Variants in COL5A1 observed in about 807,000 individuals in gnomAD.
COL5A1 encodes the protein collagen type V alpha 1 chain.
Under a neutral mutation model 263.7 loss-of-function variants are expected in COL5A1, and 16 were observed. The observed-to-expected ratio is 0.06, with a 90% CI of 0.04 to 0.09. COL5A1 has a LOEUF of 0.09. Among genes scored for constraint, COL5A1 ranks in the 10% least tolerant of loss-of-function variants. COL5A1 has a pLI of 1.00. For synonymous variants in COL5A1, 1,012 were observed against 1,004.5 expected (o/e 1.01, Z -0.14); for missense variants, 2,036 against 2,540.5 (o/e 0.80, Z 4.27).
intron 2 of COL5A1, among the ~76,000 whole-genome samples, chr9:134,698,333 C>T (rs543971755): frequency 4.6e-5 from 7 of 152,392 alleles, no homozygotes; most frequent in Non-Finnish European, 8.8e-5. Context: ...CCGGCCACAG[C>T]TGGGCAGCCC....
intron 18 of COL5A1, among the ~76,000 whole-genome samples, chr9:134,759,565 GCA>G (rs1230013772): frequency 1.8e-5 from 2 of 113,968 alleles, no homozygotes; most frequent in Non-Finnish European, 3.4e-5. Flanking sequence ...ATACACACAT[GCA>G]CACACCACAC....
rs115858047 is a variant in COL5A1 at position 134,753,945 on chromosome 9, C to T, written c.1773+42C>T. 529 of 1,556,212 alleles carry T rather than the reference C, an allele frequency of 3.4e-4. 1 individual carries two copies. In the African/African-American group the frequency reaches 5.2e-3, roughly 15 times the overall value. On this transcript the variant is annotated intron_variant, in intron 15 of 65. Transcript: ENST00000371817. ...CCTTCGCTGTCTGGTGGGCGCCTCC[C>T]GTTCTCCGGCGGCAGCGACGGCGAG...
intron 63 of COL5A1, among the ~76,000 whole-genome samples, chr9:134,827,977 C>T (rs1002518986): frequency 4.6e-5 from 7 of 152,192 alleles, no homozygotes; most frequent in Non-Finnish European, 1.0e-4. Flanking sequence ...CCTTTTCTGG[C>T]CTTCTTGGCA....
Position 134,752,614 on chromosome 9 carries a change from C to T in COL5A1, c.1688C>T (p.Pro563Leu), listed in dbSNP as rs753260027. Residue 563 changes from proline to leucine, a missense_variant, in exon 14 of 66, where the codon CCG (proline) becomes CTG (leucine). Physicochemically the swap from Pro to Leu is moderately conservative, Grantham distance 98. This residue lies in a region of COL5A1 where 1,078 missense variants were observed against 1,521.4 expected (regional missense o/e 0.71). Transcript: ENST00000371817. ...TTGGCACTGAGGGGACCAGCTGGCCCGATGGGTCTCACAGGGAGACCTGGC... is the reference window on the plus strand; with the variant it reads ...TTGGCACTGAGGGGACCAGCTGGCCTGATGGGTCTCACAGGGAGACCTGGC... Reference protein sequence around the residue: ...ARLALRGPAGPMGLTGRPGPV... With the variant: ...ARLALRGPAGLMGLTGRPGPV... The T allele has an allele frequency of 1.2e-6, 2 of 1,613,606 alleles. No individual in the cohort carries two copies. The highest frequency in any genetic ancestry group is 1.7e-6 in the Non-Finnish European group (2 of 1,179,714).
In COL5A1 at chr9:134,681,952, T is replaced by TCTCC. The variant is rs2132532283; in HGVS notation, c.110-8952_110-8949dup. Among the ~76,000 whole-genome samples, 1 of 151,946 alleles carries TCTCC rather than the reference T, an allele frequency of 6.6e-6. No homozygotes were observed. Among genetic ancestry groups the TCTCC allele is most frequent in the East Asian group, 1.9e-4 (1 of 5,170 alleles). On this transcript the variant is annotated intron_variant, in intron 1 of 65. Coordinates refer to ENST00000371817, the MANE Select transcript of COL5A1 (RefSeq NM_000093.5). The surrounding 1 kb of genome is among the most constrained non-coding windows in gnomAD (Gnocchi z 4.3). ...CTCTCTCTCCCTCTCTCTCCCCATC[T>TCTCC]CTCCCTCCCTCTCTCTCTCTCTTGC... is the stretch of plus-strand genomic sequence containing the variant.
intron 7 of COL5A1, 112 bp downstream of exon 7, chr9:134,730,587 G>C: frequency 6.7e-7 from 1 of 1,488,744 alleles, no homozygotes. Context: ...GGTGTCCTCG[G>C]GTGGCCCCTG....
chr9:134,772,968 G>A (rs1836914114), intron 26 of COL5A1, 134 bp downstream of exon 26: 3 of 957,054 alleles, frequency 3.1e-6, no homozygotes, highest in Admixed American at 1.9e-5. Context: ...TTCCTCAGGT[G>A]TCTCCGCCAA....
chr9:134,738,943 C>T, intron 11 of COL5A1, 135 bp downstream of exon 11: 3 of 745,640 alleles, frequency 4.0e-6, no homozygotes, highest in Admixed American at 4.0e-5. Context: ...CCCCCTCACC[C>T]AGGCACTCCT....
At position 134,699,953 on chromosome 9, in the gene COL5A1, G is replaced by A. The variant is rs755790281; in HGVS notation, c.322G>A (p.Ala108Thr). 3 of 1,613,982 alleles carry A rather than the reference G, an allele frequency of 1.9e-6. No homozygotes were observed. Among genetic ancestry groups the A allele is most frequent in the Non-Finnish European group, 2.5e-6 (3 of 1,180,040 alleles). ...CTTCTCCATCCTAACAACTGTGAAA[G>A]CCAAGAAAGGCAGCCAGGCCTTCCT... ...EDFSILTTVK[A>T]KKGSQAFLVS... Residue 108 changes from alanine (A) to threonine (T), a missense_variant, in exon 3 of 66, where the codon GCC becomes ACC. Physicochemically the swap from Ala to Thr is moderately conservative, Grantham distance 58 (BLOSUM62 0). Coordinates refer to ENST00000371817, the MANE Select transcript of COL5A1 (RefSeq NM_000093.5).
At chr9:134,688,872 G>C (rs1833170676) in intron 1 of COL5A1, among the ~76,000 whole-genome samples, 2 of 152,208 alleles carry the variant, frequency 1.3e-5, no homozygotes, top group Admixed American at 1.3e-4. Context: ...CTGTGGATGG[G>C]GAGGGGCTTC....
chr9:134,718,176 T>C (rs1834337738), intron 4 of COL5A1, among the ~76,000 whole-genome samples: 1 of 152,156 alleles, frequency 6.6e-6, no homozygotes. Context: ...ACTGATTCTC[T>C]CAGCAAAATG....
intron 52 of COL5A1, among the ~76,000 whole-genome samples, chr9:134,816,654 G>A (rs1838756976): frequency 6.6e-6 from 1 of 152,238 alleles, no homozygotes; most frequent in African/African-American, 2.4e-5. Context: ...GACACCCCCA[G>A]TCCACCACTT....
chr9:134,716,758 C>T lies in COL5A1; in HGVS notation c.655-10508C>T, dbSNP rs1436650749. On this transcript the variant is annotated intron_variant, in intron 4 of 65. Coordinates refer to ENST00000371817, the MANE Select transcript of COL5A1 (RefSeq NM_000093.5). The surrounding 1 kb of genome is among the most constrained non-coding windows in gnomAD (Gnocchi z 4.5). Reference sequence around the variant, plus strand: ...CCTGATCATGCCCCTTCTCTGCACCCATGCGGCCCACCCCCATGTTGGAGA... The same window carrying T: ...CCTGATCATGCCCCTTCTCTGCACCTATGCGGCCCACCCCCATGTTGGAGA... Among the ~76,000 whole-genome samples, 2 of 152,164 alleles carry T rather than the reference C, an allele frequency of 1.3e-5. No individual in the cohort carries two copies. The highest frequency in any genetic ancestry group is 2.4e-5 in the African/African-American group (1 of 41,436).
chr9:134,736,017 C>T (rs1051203517), intron 9 of COL5A1, among the ~76,000 whole-genome samples: 1 of 151,622 alleles, frequency 6.6e-6, no homozygotes, highest in African/African-American at 2.4e-5. Flanking sequence ...CCGGGAGTCC[C>T]CTTGCCAGCC....
chr9:134,838,550 C>G (rs1402754291), intron 65 of COL5A1, among the ~76,000 whole-genome samples: 1 of 152,186 alleles, frequency 6.6e-6, no homozygotes, highest in Admixed American at 6.5e-5. Context: ...CCCAGTGCTG[C>G]AAGTGCCACC....
At position 134,758,416 on chromosome 9, in the gene COL5A1, A is replaced by G. The variant is rs533236771; in HGVS notation, c.1935+120A>G. 21 of 995,056 alleles carry G rather than the reference A, an allele frequency of 2.1e-5. No homozygotes were observed. The highest frequency in any genetic ancestry group is 1.5e-4 in the Admixed American group (8 of 51,984). The allele number at this position is 995,056 out of a possible 1,614,324, so 61.6% of individuals were successfully genotyped here. ...GTGGGGTCAGGTCTCCGCCATTCCA[A>G]CAGTCAGTATACAAACCTCACGGGA... On this transcript the variant is annotated intron_variant, in intron 18 of 65. Transcript: ENST00000371817. This position sits in a 1 kb window ranked among gnomAD's most constrained non-coding sequence, Gnocchi z 4.1.
intron 1 of COL5A1, among the ~76,000 whole-genome samples, chr9:134,669,464 C>T (rs556802793): frequency 1.3e-5 from 2 of 151,908 alleles, no homozygotes; most frequent in Non-Finnish European, 2.9e-5. Context: ...TCTACCATAG[C>T]GATTGGCATT....
chr9:134,784,527 G>A (rs954051421), intron 29 of COL5A1, among the ~76,000 whole-genome samples: 3 of 152,230 alleles, frequency 2.0e-5, no homozygotes, highest in Non-Finnish European at 4.4e-5. Context: ...CCGTGTGCTC[G>A]TTATGCCCAG....
intron 62 of COL5A1, 41 bp from the exon 63 acceptor site, chr9:134,825,751 T>A: frequency 7.3e-7 from 1 of 1,378,654 alleles, no homozygotes; most frequent in Non-Finnish European, 1.0e-6. Flanking sequence ...GGAGCAATCC[T>A]TCTGACTCTG....
Sources: gnomAD v4.1 joint callset for allele counts (sites outside exome capture counted in the v4.1 genomes callset) on GRCh38, gnomAD v4.1.1 for gene constraint, gnomAD v4.1.1 regional missense constraint, Gnocchi (gnomAD v3.1) non-coding constraint, MANE v1.5 for transcripts, NCBI Gene and HGNC (gene_info 2026-07-23, HGNC 2026-07-21) for gene names.